The following ADAMTS3 variants were observed in gnomAD, a reference collection of about 807,000 sequenced individuals.
ADAMTS3 encodes the protein A disintegrin and metalloproteinase with thrombospondin motifs 3.
In ADAMTS3, 73 loss-of-function variants were observed where a neutral mutation model predicts 129.0. That is an observed-to-expected ratio of 0.57 (90% CI 0.47 to 0.69). The LOEUF is 0.69. Among genes scored for constraint, ADAMTS3 ranks in the 30% least tolerant of loss-of-function variants. The probability of loss-of-function intolerance (pLI) is 0.00; values close to 1 mark genes in which losing one functional copy is unlikely to be tolerated. For missense variants in ADAMTS3, 1,457 were observed against 1,514.5 expected, an observed-to-expected ratio of 0.96 and a Z score of 0.63; for synonymous variants, 477 against 510.8, an observed-to-expected ratio of 0.93 and a Z score of 0.89.
intron 4 of ADAMTS3, among the ~76,000 whole-genome samples, chr4:72,339,917 T>C (rs950496955): frequency 6.6e-6 from 1 of 152,168 alleles, no homozygotes; most frequent in Non-Finnish European, 1.5e-5. Flanking sequence ...ATCATATTAT[T>C]ATACAGGGAG....
intron 15 of ADAMTS3, among the ~76,000 whole-genome samples, 186 bp from the exon 16 acceptor site, chr4:72,306,253 A>T (rs972259913): frequency 1.3e-5 from 2 of 152,024 alleles, no homozygotes; most frequent in African/African-American, 4.8e-5. Context: ...ATGAAATTAG[A>T]GGCAACTTTT....
At chr4:72,330,097 C>T (rs1404539047) in intron 5 of ADAMTS3, among the ~76,000 whole-genome samples, 2 of 152,156 alleles carry the variant, frequency 1.3e-5, no homozygotes, top group South Asian at 2.1e-4. Flanking sequence ...CGGCTCACTG[C>T]AACCTCTGCC....
At chr4:72,361,713 C>CAATG (rs1219264358) in intron 4 of ADAMTS3, among the ~76,000 whole-genome samples, 1 of 152,060 alleles carries the variant, frequency 6.6e-6, no homozygotes, top group East Asian at 1.9e-4. Flanking sequence ...CTGCAAAACA[C>CAATG]AATGCCCTTT....
chr4:72,283,278 C>T lies in ADAMTS3; in HGVS notation c.3476G>A (p.Ser1159Asn), dbSNP rs747438401. The change falls in exon 22 of 22, where the codon AGT (serine) becomes AAT (asparagine). Residue 1159 changes from serine to asparagine, a missense_variant. Ser to Asn is a conservative substitution (Grantham distance 46, BLOSUM62 1). Coordinates refer to ENST00000286657, the MANE Select transcript of ADAMTS3 (RefSeq NM_014243.3). Reference protein sequence around the residue: ...SSPPTKRVHLSSASQMAAASF... With the variant: ...SSPPTKRVHLNSASQMAAASF... ...AGCAGCAGCCATTTGTGAAGCTGAA[C>T]TGAGGTGGACCCTCTTGGTGGGTGG... is the stretch of plus-strand genomic sequence containing the variant. The T allele has an allele frequency of 2.5e-6, 4 of 1,613,982 alleles. No individual in the cohort carries two copies. The Admixed American group carries it at 5.0e-5, about 20-fold the overall frequency.
At chr4:72,492,234 GT>G (rs776310904) in intron 3 of ADAMTS3, among the ~76,000 whole-genome samples, 3 of 150,256 alleles carry the variant, frequency 2.0e-5, no homozygotes, top group African/African-American at 2.4e-5. Flanking sequence ...ATTTTTTTCT[GT>G]TTTTTTATTC....
intron 3 of ADAMTS3, among the ~76,000 whole-genome samples, chr4:72,418,665 C>A (rs544062684): frequency 2.6e-4 from 40 of 152,212 alleles, no homozygotes; most frequent in Admixed American, 6.5e-5. Context: ...TCACAGCCAG[C>A]TGCAAAGAGG....
chr4:72,541,364 C>T (rs1353657191), intron 3 of ADAMTS3, among the ~76,000 whole-genome samples: 6 of 152,224 alleles, frequency 3.9e-5, no homozygotes, highest in Non-Finnish European at 8.8e-5. Flanking sequence ...AACTAACTTG[C>T]TTTGATTTTA....
intron 3 of ADAMTS3, among the ~76,000 whole-genome samples, chr4:72,501,365 T>A (rs900011645): frequency 6.6e-6 from 1 of 152,098 alleles, no homozygotes; most frequent in Non-Finnish European, 1.5e-5. Context: ...ATTTTATGTA[T>A]ATTTATTTAA....
rs760660569 is a variant in ADAMTS3 at position 72,309,424 on chromosome 4, T to A, written c.2152A>T (p.Thr718Ser). 5 of 1,612,050 alleles carry A rather than the reference T, an allele frequency of 3.1e-6. No homozygotes were observed. The highest frequency in any genetic ancestry group is 4.2e-6 in the Non-Finnish European group (5 of 1,178,562). Residue 718 changes from threonine (T) to serine (S), a missense_variant, in exon 15 of 22, where the codon ACA (threonine) becomes TCA (serine). Transcript: ENST00000286657. ...AGCTTCCTGGGAGTTCTGGTAAATG[T>A]CCCCTTCACGGTTCGGCAGTGGGAA... ...DNSHCRTVKG[T>S]FTRTPRKLGY...
rs555391989 is a variant in ADAMTS3 at position 72,425,443 on chromosome 4, C to T, written c.505-10472G>A. Among the ~76,000 whole-genome samples, 4 of 152,224 alleles carry T rather than the reference C, an allele frequency of 2.6e-5. No homozygotes were observed. The East Asian group carries it at 7.7e-4, about 29-fold the overall frequency. ...TGGTGTGCTGCACCCATTAACTCGT[C>T]ATTTAACATTAGGTATATCTCCTAA... On this transcript the variant is annotated intron_variant, in intron 3 of 21. Coordinates refer to ENST00000286657, the MANE Select transcript of ADAMTS3 (RefSeq NM_014243.3).
intron 5 of ADAMTS3, among the ~76,000 whole-genome samples, chr4:72,325,154 G>A (rs370962294): frequency 4.7e-4 from 72 of 152,102 alleles, no homozygotes; most frequent in African/African-American, 1.6e-3. Flanking sequence ...ATATGGAAAA[G>A]GGGTTTGATT....
chr4:72,455,787 T>C (rs112756490), intron 3 of ADAMTS3, among the ~76,000 whole-genome samples: 5,457 of 133,498 alleles, frequency 0.041, 435 homozygotes, highest in African/African-American at 0.15. Context: ...TAACTACTTA[T>C]ATATATATAT....
At chr4:72,338,602 T>A (rs535596652) in intron 5 of ADAMTS3, among the ~76,000 whole-genome samples, 2 of 151,450 alleles carry the variant, frequency 1.3e-5, no homozygotes, top group Non-Finnish European at 2.9e-5. Context: ...GGGAAAGAGG[T>A]AAACTATAGA....
chr4:72,315,621 C>A (rs1224541482), intron 11 of ADAMTS3, among the ~76,000 whole-genome samples: 1 of 152,088 alleles, frequency 6.6e-6, no homozygotes, highest in Non-Finnish European at 1.5e-5. Flanking sequence ...GACTTCTGGC[C>A]TCTAGAACTG....
intron 19 of ADAMTS3, among the ~76,000 whole-genome samples, chr4:72,293,361 T>C (rs988990162): frequency 3.9e-5 from 6 of 152,070 alleles, no homozygotes; most frequent in Non-Finnish European, 8.8e-5. Flanking sequence ...AGACATGAGG[T>C]TTATCCTCTG....
chr4:72,440,133 A>C (rs563383986), intron 3 of ADAMTS3, among the ~76,000 whole-genome samples: 3 of 151,844 alleles, frequency 2.0e-5, no homozygotes, highest in East Asian at 3.9e-4. Context: ...TGCCTAAAAA[A>C]ATGGTGACAA....
intron 15 of ADAMTS3, among the ~76,000 whole-genome samples, 164 bp from the exon 16 acceptor site, chr4:72,306,231 G>A (rs1481042562): frequency 1.3e-5 from 2 of 151,948 alleles, no homozygotes; most frequent in Non-Finnish European, 2.9e-5. Flanking sequence ...GGTAGCTTTT[G>A]TGACATCCAA....
intron 4 of ADAMTS3, among the ~76,000 whole-genome samples, chr4:72,388,941 T>C (rs1329375341): frequency 6.6e-6 from 1 of 152,184 alleles, no homozygotes; most frequent in African/African-American, 2.4e-5. Flanking sequence ...ATAAAACATG[T>C]GAAATGTTGT....
chr4:72,399,227 T>C (rs182998163), intron 4 of ADAMTS3, among the ~76,000 whole-genome samples: 72 of 152,188 alleles, frequency 4.7e-4, no homozygotes, highest in African/African-American at 1.6e-3. Context: ...ACCGGGAGTT[T>C]GAGACCAGCC....
Sources: allele counts gnomAD v4.1 joint callset (sites outside exome capture counted in the v4.1 genomes callset), GRCh38; gene constraint gnomAD v4.1.1; transcripts MANE v1.5; gene names NCBI Gene and HGNC (gene_info 2026-07-23, HGNC 2026-07-21).